WWOX: variants seen among roughly 807,000 people sequenced by gnomAD.
WWOX encodes the protein WW domain-containing oxidoreductase.
WWOX carries 69 observed loss-of-function variants against 46.2 expected under a neutral mutation model. That is an observed-to-expected ratio of 1.49 (90% CI 1.23 to 1.82). The LOEUF is 1.82. WWOX is among the 40% of genes most tolerant of loss of function. WWOX has a pLI of 0.00. For missense variants in WWOX, 919 were observed against 542.6 expected, an observed-to-expected ratio of 1.69 and a Z score of -6.89; for synonymous variants, 359 against 202.6, an observed-to-expected ratio of 1.77 and a Z score of -6.56.
chr16:78,899,762 G>C (rs910314543), intron 8 of WWOX: 2 of 152,166 alleles, frequency 1.3e-5, no homozygotes, highest in Non-Finnish European at 2.9e-5. Context: ...GAAGAATTGT[G>C]TGCAAAGCAG....
At chr16:78,822,271 G>A (rs1252080614) in intron 8 of WWOX, among the ~76,000 whole-genome samples, 2 of 152,004 alleles carry the variant, frequency 1.3e-5, no homozygotes, top group Non-Finnish European at 2.9e-5. Context: ...AGGTGGGTGG[G>A]TCATCTGAGG....
At chr16:78,297,992 G>A (rs1435040886) in intron 5 of WWOX, among the ~76,000 whole-genome samples, 1 of 152,172 alleles carries the variant, frequency 6.6e-6, no homozygotes, top group East Asian at 1.9e-4. Context: ...CCCCCGTGCT[G>A]TGAGTGAGTT....
At chr16:78,190,631 A>G (rs536087781) in intron 5 of WWOX, among the ~76,000 whole-genome samples, 200 of 152,270 alleles carry the variant, frequency 1.3e-3, no homozygotes, top group Admixed American at 2.3e-3. Context: ...CAGATCCTGC[A>G]TCCTTTCAGG....
At chr16:78,814,243 C>A (rs905005288) in intron 8 of WWOX, among the ~76,000 whole-genome samples, 3 of 152,166 alleles carry the variant, frequency 2.0e-5, no homozygotes, top group Non-Finnish European at 4.4e-5. Context: ...CTTACATCAA[C>A]AATTTTTCAT....
chr16:78,404,318 G>T (rs547130286), intron 6 of WWOX, among the ~76,000 whole-genome samples: 1 of 152,080 alleles, frequency 6.6e-6, no homozygotes, highest in Non-Finnish European at 1.5e-5. Context: ...AAATTCTGTT[G>T]TATGCCAAGC....
chr16:78,794,870 C>G (rs2050696939), intron 8 of WWOX, among the ~76,000 whole-genome samples: 1 of 152,236 alleles, frequency 6.6e-6, no homozygotes, highest in Non-Finnish European at 1.5e-5. Context: ...CTGACTTTGA[C>G]TGGGTTAGTG....
rs57754374 is a variant in WWOX at position 78,455,643 on chromosome 16, CAAAAAA to C, written c.1056+22913_1056+22918del. On this transcript the variant is annotated intron_variant, in intron 8 of 8. Coordinates refer to ENST00000566780, the MANE Select transcript of WWOX (RefSeq NM_016373.4). Reference sequence around the variant, plus strand: ...GGGTTAACAGAGCAAGACTCTGTCTCAAAAAAAAAAAAAAAAAAAAAAAAAAATCAA... The same window carrying C: ...GGGTTAACAGAGCAAGACTCTGTCTCAAAAAAAAAAAAAAAAAAAAATCAA... 9.0e-3 allele frequency among the ~76,000 whole-genome samples: 547 copies of C among 60,524 alleles called. 3 individuals carry two copies. Among genetic ancestry groups the C allele is most frequent in the African/African-American group, 0.035 (495 of 14,146 alleles). 39.7% of individuals were successfully genotyped at this position (60,524 alleles called of 152,430 possible). A position where few individuals can be genotyped will look rare whatever the true frequency, so the allele number is the denominator to read the frequency against.
At chr16:78,133,934 T>C (rs1006100964) in intron 4 of WWOX, among the ~76,000 whole-genome samples, 5 of 152,228 alleles carry the variant, frequency 3.3e-5, no homozygotes, top group East Asian at 1.9e-4. Flanking sequence ...GTCAATGGAC[T>C]GTAGATGCCT....
intron 8 of WWOX, among the ~76,000 whole-genome samples, chr16:78,916,786 G>C (rs1338717928): frequency 6.6e-6 from 1 of 152,098 alleles, no homozygotes; most frequent in Non-Finnish European, 1.5e-5. Context: ...TACAACCCAG[G>C]GTCAGGAAAA....
chr16:79,145,289 A>G lies in WWOX; in HGVS notation c.1057-66319A>G, dbSNP rs148005346. On this transcript the variant is annotated intron_variant, in intron 8 of 8. Transcript: ENST00000566780. ...AAATTCAGAAGTCGTGATAAAGCCA[A>G]CCAACCAACGAAACAGCAATACTTG... 3.3e-4 allele frequency among the ~76,000 whole-genome samples: 50 copies of G among 152,326 alleles called. No individual in the cohort carries two copies. In the East Asian group the frequency reaches 9.3e-3, roughly 28 times the overall value.
intron 8 of WWOX, among the ~76,000 whole-genome samples, chr16:79,100,487 TG>T (rs961528106): frequency 2.6e-5 from 4 of 152,182 alleles, no homozygotes; most frequent in African/African-American, 9.7e-5. Flanking sequence ...AGGCTTGTGT[TG>T]GCTTTGACCA....
chr16:78,432,778 A>G, intron 8 of WWOX, 26 bp downstream of exon 8: 1 of 1,613,974 alleles, frequency 6.2e-7, no homozygotes, highest in Non-Finnish European at 8.5e-7. Context: ...CTGGCGCCGC[A>G]AACACCTTGG....
chr16:78,775,986 C>T (rs112936502), intron 8 of WWOX, among the ~76,000 whole-genome samples: 4,976 of 152,288 alleles, frequency 0.033, 148 homozygotes, highest in Non-Finnish European at 0.046. Context: ...TACTAGGTTT[C>T]TCATTTATTT....
chr16:79,110,669 C>T (rs1159555904), intron 8 of WWOX: 1 of 152,172 alleles, frequency 6.6e-6, no homozygotes, highest in African/African-American at 2.4e-5. Flanking sequence ...AACTCACGTT[C>T]ATTTCTCTTG....
chr16:79,006,327 A>T (rs570404438), intron 8 of WWOX, among the ~76,000 whole-genome samples: 15 of 152,164 alleles, frequency 9.9e-5, no homozygotes, highest in African/African-American at 3.6e-4. Context: ...CCGTGCAGAG[A>T]CCCGGGGGCC....
intron 8 of WWOX, among the ~76,000 whole-genome samples, chr16:78,777,504 C>T (rs947598801): frequency 6.6e-6 from 1 of 151,996 alleles, no homozygotes; most frequent in African/African-American, 2.4e-5. Flanking sequence ...AGAAAGACAC[C>T]GTGCCTGCTG....
intron 5 of WWOX, among the ~76,000 whole-genome samples, chr16:78,265,440 G>A (rs2079342235): frequency 2.0e-5 from 3 of 152,080 alleles, no homozygotes; most frequent in African/African-American, 7.2e-5. Context: ...CAGCACTTTG[G>A]GAGGCTGAGG....
rs142217051 is a variant in WWOX at position 79,164,058 on chromosome 16, C to T, written c.1057-47550C>T. On this transcript the variant is annotated intron_variant, in intron 8 of 8. Transcript: ENST00000566780. Reference sequence around the variant, plus strand: ...CATATACATAATAGGCAGGCGTGATCGCGTTCACCCATTCAGTTTGCCATA... The same window carrying T: ...CATATACATAATAGGCAGGCGTGATTGCGTTCACCCATTCAGTTTGCCATA... 3.0e-4 allele frequency among the ~76,000 whole-genome samples: 45 copies of T among 152,312 alleles called. No individual in the cohort carries two copies. The East Asian group carries it at 7.7e-3, about 26-fold the overall frequency.
chr16:78,193,673 C>T (rs1313414382), intron 5 of WWOX, among the ~76,000 whole-genome samples: 1 of 137,260 alleles, frequency 7.3e-6, no homozygotes, highest in Admixed American at 7.4e-5. Flanking sequence ...GAGAAGGTTT[C>T]AACACCATAT....
Sources: allele counts gnomAD v4.1 joint callset (sites outside exome capture counted in the v4.1 genomes callset), GRCh38; gene constraint gnomAD v4.1.1; transcripts MANE v1.5; gene names NCBI Gene and HGNC (gene_info 2026-07-23, HGNC 2026-07-21).